The following MRPS6 variants were observed in gnomAD, a reference collection of about 807,000 sequenced individuals.
MRPS6 encodes mitochondrial ribosomal protein S6, also known as small ribosomal subunit protein bS6m.
In MRPS6, 6 loss-of-function variants were observed where a neutral mutation model predicts 13.1. The observed-to-expected ratio is 0.46, with a 90% CI of 0.25 to 0.91. MRPS6 has a LOEUF of 0.91. MRPS6 is among the 40% of genes least tolerant of loss of function. MRPS6 has a pLI of 0.18. For missense variants in MRPS6, 164 were observed against 155.6 expected, an observed-to-expected ratio of 1.05 and a Z score of -0.29; for synonymous variants, 61 against 56.5, an observed-to-expected ratio of 1.08 and a Z score of -0.36.
intron 2 of MRPS6, among the ~76,000 whole-genome samples, chr21:34,136,799 T>C (rs1294132392): frequency 6.6e-6 from 1 of 152,196 alleles, no homozygotes; most frequent in African/African-American, 2.4e-5. Flanking sequence ...CTATTATGGA[T>C]TTTGGTTTTG....
intron 1 of MRPS6, chr21:34,124,464 A>G (rs9976762): frequency 0.026 from 3,962 of 149,590 alleles, 80 homozygotes; most frequent in Non-Finnish European, 0.039. Context: ...CATCCAGTCT[A>G]TCTCTGGGTA....
At chr21:34,101,738 TA>T in intron 1 of MRPS6, 1 of 991,980 alleles carries the variant, frequency 1.0e-6, no homozygotes, top group Non-Finnish European at 1.2e-6. Flanking sequence ...AATGACTCAT[TA>T]AATATAATTA....
At chr21:34,098,807 T>A in intron 1 of MRPS6, 1 of 1,000,000 alleles carries the variant, frequency 1.0e-6, no homozygotes, top group Non-Finnish European at 1.2e-6. Context: ...ATTACGTACT[T>A]CTGTGTCTTC....
rs148124273 is a variant in MRPS6 at position 34,104,332 on chromosome 21, CG to C, written c.46-21008del. 596 of 998,862 alleles carry C rather than the reference CG, an allele frequency of 6.0e-4. 4 individuals carry two copies. In the African/African-American group the frequency reaches 9.6e-3, roughly 16 times the overall value. The allele number at this position is 998,862 out of a possible 1,614,324, so 61.9% of individuals were successfully genotyped here. On this transcript the variant is annotated intron_variant, in intron 1 of 2. Coordinates refer to ENST00000399312, the MANE Select transcript of MRPS6 (RefSeq NM_032476.4). Reference sequence around the variant, plus strand: ...CTGTTAATGTGTGTGTAGAAGAAAACGTATGTTCTTCTACTCAGCATTGCCC... The same window carrying C: ...CTGTTAATGTGTGTGTAGAAGAAAACTATGTTCTTCTACTCAGCATTGCCC...
intron 1 of MRPS6, chr21:34,123,251 G>T (rs1980183991): frequency 6.6e-6 from 1 of 152,098 alleles, no homozygotes; most frequent in South Asian, 2.1e-4. Context: ...TTGTTTGGTT[G>T]CCAGAATGCA....
At chr21:34,091,045 T>A (rs1328257439) in intron 1 of MRPS6, among the ~76,000 whole-genome samples, 1 of 152,146 alleles carries the variant, frequency 6.6e-6, no homozygotes, top group Non-Finnish European at 1.5e-5. Flanking sequence ...TTCAGAGGTG[T>A]CTGTGTGTTC....
chr21:34,132,560 G>A (rs1279118647), intron 2 of MRPS6, among the ~76,000 whole-genome samples: 1 of 152,194 alleles, frequency 6.6e-6, no homozygotes, highest in African/African-American at 2.4e-5. Context: ...CCAGTGTTAG[G>A]ATTTCCAGGT....
At chr21:34,117,419 C>T (rs1321754790) in intron 1 of MRPS6, among the ~76,000 whole-genome samples, 1 of 152,144 alleles carries the variant, frequency 6.6e-6, no homozygotes, top group East Asian at 1.9e-4. Context: ...GTAGTAATTC[C>T]TTCTTTTGAG....
At chr21:34,085,551 T>G (rs1420935530) in intron 1 of MRPS6, among the ~76,000 whole-genome samples, 6 of 152,192 alleles carry the variant, frequency 3.9e-5, no homozygotes, top group Non-Finnish European at 8.8e-5. Context: ...TAAAGCAAAC[T>G]TAGATATATC....
intron 1 of MRPS6, among the ~76,000 whole-genome samples, chr21:34,077,161 C>T (rs1192441263): frequency 6.6e-6 from 1 of 152,102 alleles, no homozygotes; most frequent in Admixed American, 6.5e-5. Flanking sequence ...CCTTTGGTTT[C>T]ACTTGATAAT....
chr21:34,106,296 G>A (rs996556624), intron 1 of MRPS6: 2 of 430,586 alleles, frequency 4.6e-6, no homozygotes, highest in African/African-American at 4.3e-5. Flanking sequence ...TATGAACACT[G>A]CCACAATGTA....
intron 1 of MRPS6, chr21:34,104,042 A>G (rs2148662474): frequency 1.0e-6 from 1 of 1,000,154 alleles, no homozygotes; most frequent in East Asian, 1.1e-4. Flanking sequence ...AAACATGCAG[A>G]AAGTCATACT....
chr21:34,102,012 G>C (rs1249892618), intron 1 of MRPS6: 2 of 1,000,046 alleles, frequency 2.0e-6, no homozygotes, highest in Non-Finnish European at 2.4e-6. Flanking sequence ...GGCATATAGA[G>C]GAACCCTTTT....
chr21:34,116,208 G>GTGTGTT (rs1211197001), intron 1 of MRPS6, among the ~76,000 whole-genome samples: 6 of 150,734 alleles, frequency 4.0e-5, no homozygotes, highest in African/African-American at 1.5e-4. Flanking sequence ...GTGTGTGTGT[G>GTGTGTT]TGTGTGTGTA....
chr21:34,126,302 C>A lies in MRPS6; in HGVS notation c.185+822C>A, dbSNP rs531024310. 2.2e-4 allele frequency among the ~76,000 whole-genome samples: 33 copies of A among 152,292 alleles called. No individual in the cohort carries two copies. In the East Asian group the frequency reaches 6.2e-3, roughly 28 times the overall value. On this transcript the variant is annotated intron_variant, in intron 2 of 2. Coordinates refer to ENST00000399312, the MANE Select transcript of MRPS6 (RefSeq NM_032476.4). ...CAGTCTCTGCAGATGTGCTCTGCGA[C>A]GAGAATGCTGCTTGTAGTTATGTGA...
At chr21:34,077,784 A>G (rs998468144) in intron 1 of MRPS6, among the ~76,000 whole-genome samples, 1 of 152,196 alleles carries the variant, frequency 6.6e-6, no homozygotes, top group Admixed American at 6.5e-5. Flanking sequence ...GTTTAATTTG[A>G]ATATAGAAAA....
chr21:34,097,192 A>G, intron 1 of MRPS6: 1 of 1,614,128 alleles, frequency 6.2e-7, no homozygotes. Flanking sequence ...TGTGGCTTTA[A>G]AAGTAAGAGC....
rs115411393 is a variant in MRPS6 at position 34,127,456 on chromosome 21, A to T, written c.185+1976A>T. Among the ~76,000 whole-genome samples the T allele has an allele frequency of 2.6e-3, 390 of 152,324 alleles. 3 individuals carry two copies. Among genetic ancestry groups the T allele is most frequent in the African/African-American group, 9.0e-3 (376 of 41,566 alleles). ...TTCCTTCTAGAGGTTCACAGTGCAC[A>T]TTGGCACATAAATGATGAGAAGCCC... On this transcript the variant is annotated intron_variant, in intron 2 of 2. Coordinates refer to ENST00000399312, the MANE Select transcript of MRPS6 (RefSeq NM_032476.4).
chr21:34,103,523 C>T (rs1056717444), intron 1 of MRPS6: 1 of 999,764 alleles, frequency 1.0e-6, no homozygotes, highest in Middle Eastern at 5.2e-4. Context: ...AGAACAGGTA[C>T]GTGACAACAG....
Sources: allele counts gnomAD v4.1 joint callset (sites outside exome capture counted in the v4.1 genomes callset), GRCh38; gene constraint gnomAD v4.1.1; transcripts MANE v1.5; gene names NCBI Gene and HGNC (gene_info 2026-07-23, HGNC 2026-07-21).